Variants in MINDY2 observed in about 807,000 individuals in gnomAD.
MINDY2 encodes ubiquitin carboxyl-terminal hydrolase MINDY-2.
In MINDY2, 52 loss-of-function variants were observed where a neutral mutation model predicts 68.2. The ratio of observed to expected loss-of-function variants is 0.76; its 90% CI spans 0.61 to 0.96. MINDY2 has a LOEUF of 0.96. Ranked by LOEUF, MINDY2 falls within the 40% of genes least tolerant of loss-of-function variation. The probability of loss-of-function intolerance (pLI) is 0.00; values close to 1 mark genes in which losing one functional copy is unlikely to be tolerated. For missense variants in MINDY2, 881 were observed against 773.4 expected (o/e 1.14, Z -1.65); for synonymous variants, 372 against 303.0 (o/e 1.23, Z -2.36).
intron 5 of MINDY2, among the ~76,000 whole-genome samples, chr15:58,822,235 C>T (rs1328466038): frequency 6.7e-6 from 1 of 149,836 alleles, no homozygotes; most frequent in Non-Finnish European, 1.5e-5. Context: ...CCCTGGGCAA[C>T]AGAGTGACTC....
At chr15:58,786,937 C>G (rs1479123353) in intron 1 of MINDY2, among the ~76,000 whole-genome samples, 2 of 152,284 alleles carry the variant, frequency 1.3e-5, no homozygotes, top group African/African-American at 4.8e-5. Context: ...CCAAGTGATT[C>G]TTCTGCCTCA....
At position 58,831,773 on chromosome 15, in the gene MINDY2, GGCTTTGTA is replaced by G; in HGVS notation, c.1229_1236del (p.Phe410Ter). 6.2e-7 allele frequency: 1 copy of G among 1,609,444 alleles called. No individual in the cohort carries two copies. The highest frequency in any genetic ancestry group is 8.5e-7 in the Non-Finnish European group (1 of 1,178,516). ...TCTAATGTTATGCATTGGTTCTATAGGCTTTGTAGCTGAGCAGTTTCTAAATAACACAG... is the reference window on the plus strand; with the variant it reads ...TCTAATGTTATGCATTGGTTCTATAGGCTGAGCAGTTTCTAAATAACACAG... On this transcript the variant is annotated frameshift_variant and splice_region_variant, in exon 6 of 9. Transcript: ENST00000559228. LOFTEE classifies it high-confidence loss of function.
At chr15:58,829,774 CTA>C (rs1345385713) in intron 5 of MINDY2, among the ~76,000 whole-genome samples, 2 of 152,264 alleles carry the variant, frequency 1.3e-5, no homozygotes, top group South Asian at 2.1e-4. Flanking sequence ...TTTTGTACTT[CTA>C]TCATAACAAA....
intron 4 of MINDY2, chr15:58,815,144 A>G (rs555456745): frequency 1.3e-5 from 2 of 152,304 alleles, no homozygotes; most frequent in African/African-American, 4.8e-5. Context: ...AAAGGGCCCA[A>G]CTTTATTCAT....
chr15:58,826,893 C>T (rs967495817), intron 5 of MINDY2, among the ~76,000 whole-genome samples: 3 of 151,914 alleles, frequency 2.0e-5, no homozygotes, highest in East Asian at 1.9e-4. Context: ...TTTCTCCTTT[C>T]CTCCCTTGCT....
At chr15:58,845,836 C>G (rs2032501972) in intron 6 of MINDY2, among the ~76,000 whole-genome samples, 1 of 152,164 alleles carries the variant, frequency 6.6e-6, no homozygotes, top group Non-Finnish European at 1.5e-5. Context: ...AAATGTGGTA[C>G]ACATACACAA....
At chr15:58,797,983 A>G (rs1288117380) in intron 2 of MINDY2, among the ~76,000 whole-genome samples, 1 of 152,236 alleles carries the variant, frequency 6.6e-6, no homozygotes, top group East Asian at 1.9e-4. Context: ...TGCTGTCTCC[A>G]TCTGGGCACC....
intron 5 of MINDY2, among the ~76,000 whole-genome samples, chr15:58,828,575 C>CTTTTTTT (rs1163905877): frequency 1.9e-5 from 2 of 106,140 alleles, no homozygotes; most frequent in African/African-American, 3.8e-5. Flanking sequence ...TATTGAATTT[C>CTTTTTTT]TTTTTTTTTT....
At chr15:58,828,426 C>A (rs2031529497) in intron 5 of MINDY2, among the ~76,000 whole-genome samples, 1 of 151,954 alleles carries the variant, frequency 6.6e-6, no homozygotes, top group Non-Finnish European at 1.5e-5. Context: ...AGTTTCCTTC[C>A]TTCCTATTTC....
chr15:58,771,971 T>C lies in MINDY2; in HGVS notation c.576T>C (p.Asn192=). The change falls in exon 1 of 9, where the codon AAT becomes AAC. Residue 192 remains asparagine, a synonymous_variant. Coordinates refer to ENST00000559228, the MANE Select transcript of MINDY2 (RefSeq NM_001040450.3). The stretch of plus-strand genomic sequence containing the variant: ...CTTTTCCCAGTAGCTGCGAGTTCAA[T>C]AGTGAGGAGGGAGCGGAGAACAGGG... The part of the protein sequence containing the change: ...LHSFPSSCEF[N]SEEGAENRVP... 1 of 1,573,384 alleles carries C rather than the reference T, an allele frequency of 6.4e-7. No individual in the cohort carries two copies. The highest frequency in any genetic ancestry group is 2.2e-5 in the East Asian group (1 of 44,644).
chr15:58,851,246 T>C (rs1752466027), intron 7 of MINDY2, among the ~76,000 whole-genome samples: 1 of 152,170 alleles, frequency 6.6e-6, no homozygotes, highest in East Asian at 1.9e-4. Context: ...AGTGCTGGGA[T>C]TATAGGCGTG....
At chr15:58,808,616 T>G (rs564074969) in intron 3 of MINDY2, among the ~76,000 whole-genome samples, 12 of 152,124 alleles carry the variant, frequency 7.9e-5, no homozygotes, top group Non-Finnish European at 1.8e-4. Flanking sequence ...TTTGTTTTTG[T>G]TTTTTTGAGA....
intron 3 of MINDY2, among the ~76,000 whole-genome samples, chr15:58,808,025 C>CCTCCCTCT (rs780438110): frequency 4.6e-5 from 7 of 151,880 alleles, no homozygotes; most frequent in Non-Finnish European, 8.8e-5. Flanking sequence ...CACTCCCCTC[C>CCTCCCTCT]CTCCCTCTCT....
intron 7 of MINDY2, among the ~76,000 whole-genome samples, chr15:58,849,564 C>T (rs1370381165): frequency 6.6e-6 from 1 of 151,986 alleles, no homozygotes; most frequent in Non-Finnish European, 1.5e-5. Context: ...TCACAGTAGT[C>T]CAGATAAGGT....
At chr15:58,795,812 C>T (rs1233682992) in intron 2 of MINDY2, among the ~76,000 whole-genome samples, 2 of 151,878 alleles carry the variant, frequency 1.3e-5, no homozygotes, top group Non-Finnish European at 2.9e-5. Context: ...CACCAAGAAC[C>T]AGTTTTTGCC....
At chr15:58,780,171 G>T (rs1315999584) in intron 1 of MINDY2, among the ~76,000 whole-genome samples, 3 of 152,036 alleles carry the variant, frequency 2.0e-5, no homozygotes. Context: ...TTGTGAGGCC[G>T]AGGCAGGCGG....
At position 58,772,007 on chromosome 15, in the gene MINDY2, G is replaced by A; in HGVS notation, c.612G>A (p.Glu204=). Residue 204 remains glutamate (E), a synonymous_variant, in exon 1 of 9, where the codon GAG becomes GAA. Coordinates refer to ENST00000559228, the MANE Select transcript of MINDY2 (RefSeq NM_001040450.3). The part of the protein sequence containing the change: ...EEGAENRVPE[E]EEGAAVLPGA... ...GAGCGGAGAACAGGGTCCCTGAGGAGGAGGAGGGCGCGGCGGTGTTGCCCG... is the reference window on the plus strand; with the variant it reads ...GAGCGGAGAACAGGGTCCCTGAGGAAGAGGAGGGCGCGGCGGTGTTGCCCG... The A allele has an allele frequency of 6.3e-7, 1 of 1,594,714 alleles. No individual in the cohort carries two copies. The highest frequency in any genetic ancestry group is 8.5e-7 in the Non-Finnish European group (1 of 1,170,950).
rs1414550265 is a variant in MINDY2 at position 58,857,230 on chromosome 15, A to G, written c.*2620A>G. ...TAAAACAAACAAGCTTTTCAGAGAT[A>G]CTGGTTTCCTGCCCTTGAAGGGTAT... is the stretch of plus-strand genomic sequence containing the variant. On this transcript the variant is annotated 3_prime_UTR_variant, in exon 9 of 9. Transcript: ENST00000559228. 2.0e-5 allele frequency: 3 copies of G among 152,212 alleles called. No homozygotes were observed. The highest frequency in any genetic ancestry group is 7.2e-5 in the African/African-American group (3 of 41,458). 9.4% of individuals were successfully genotyped at this position (152,212 alleles called of 1,614,324 possible).
At chr15:58,802,259 C>G in intron 2 of MINDY2, 54 bp from the exon 3 acceptor site, 1 of 1,173,310 alleles carries the variant, frequency 8.5e-7, no homozygotes. Context: ...CTTTTGTAAT[C>G]AGAAAAACAA....
Sources: gnomAD v4.1 joint callset for allele counts (sites outside exome capture counted in the v4.1 genomes callset) on GRCh38, gnomAD v4.1.1 for gene constraint, MANE v1.5 for transcripts, NCBI Gene and HGNC (gene_info 2026-07-23, HGNC 2026-07-21) for gene names.